Variants in COL11A1 observed in about 807,000 individuals in gnomAD.
The protein encoded by COL11A1 is collagen type XI alpha 1 chain, also known as collagen alpha-1(XI) chain.
In COL11A1, 74 loss-of-function variants were observed where a neutral mutation model predicts 265.2. The ratio of observed to expected loss-of-function variants is 0.28; its 90% CI spans 0.23 to 0.34. COL11A1 has a LOEUF of 0.34. COL11A1 is among the 10% of genes least tolerant of loss of function. COL11A1 has a pLI of 1.00. For missense variants in COL11A1, 2,165 were observed against 2,263.6 expected (o/e 0.96, Z 0.88); for synonymous variants, 816 against 727.6 (o/e 1.12, Z -1.96).
intron 4 of COL11A1, among the ~76,000 whole-genome samples, chr1:103,031,929 A>G (rs1668029740): frequency 6.6e-6 from 1 of 152,108 alleles, no homozygotes; most frequent in African/African-American, 2.4e-5. Context: ...AAATCAAAAC[A>G]TTAGTAATAT....
intron 5 of COL11A1, among the ~76,000 whole-genome samples, chr1:103,028,189 C>A (rs1163916284): frequency 6.6e-6 from 1 of 152,042 alleles, no homozygotes; most frequent in African/African-American, 2.4e-5. Context: ...TGACACCATG[C>A]CCGGCTAATT....
chr1:103,047,296 G>A (rs1199284561), intron 4 of COL11A1, among the ~76,000 whole-genome samples: 1 of 152,154 alleles, frequency 6.6e-6, no homozygotes, highest in Non-Finnish European at 1.5e-5. Context: ...GCAGTGGTTT[G>A]TAGTTATCCT....
chr1:103,083,650 T>C (rs573733789), intron 1 of COL11A1, among the ~76,000 whole-genome samples: 1 of 152,296 alleles, frequency 6.6e-6, no homozygotes, highest in African/African-American at 2.4e-5. Context: ...ACAAATTATA[T>C]ACAGGTACTT....
At chr1:103,104,688 G>T (rs1674554710) in intron 1 of COL11A1, among the ~76,000 whole-genome samples, 1 of 152,158 alleles carries the variant, frequency 6.6e-6, no homozygotes, top group African/African-American at 2.4e-5. Flanking sequence ...TGTAAAGCAT[G>T]CAGAAAGGTG....
At chr1:102,904,597 T>C (rs1053147427) in intron 54 of COL11A1, among the ~76,000 whole-genome samples, 3 of 151,638 alleles carry the variant, frequency 2.0e-5, no homozygotes, top group African/African-American at 4.8e-5. Context: ...AAGAAGATAT[T>C]TATGCAGCCA....
intron 57 of COL11A1, 75 bp from the exon 58 acceptor site, chr1:102,890,579 C>CAGACCT (rs1651642657): frequency 8.1e-7 from 1 of 1,239,894 alleles, no homozygotes; most frequent in Admixed American, 2.5e-5. Flanking sequence ...TAACTAGTCA[C>CAGACCT]AGACCTAGTT....
At chr1:103,022,260 C>A (rs75126374) in intron 8 of COL11A1, among the ~76,000 whole-genome samples, 3,553 of 151,750 alleles carry the variant, frequency 0.023, 157 homozygotes, top group African/African-American at 0.082. Flanking sequence ...TTAAATATGG[C>A]AAAAATTAAA....
chr1:103,003,107 A>G, intron 21 of COL11A1, 108 bp downstream of exon 21: 3 of 1,097,648 alleles, frequency 2.7e-6, no homozygotes, highest in South Asian at 1.3e-5. Context: ...ATCTTCAAAC[A>G]TAACAAGGCA....
Position 102,911,606 on chromosome 1 carries a change from T to C in COL11A1, c.4086+553A>G, listed in dbSNP as rs148738898. 1.6e-4 allele frequency among the ~76,000 whole-genome samples: 24 copies of C among 152,302 alleles called. No homozygotes were observed. In the East Asian group the frequency reaches 4.4e-3, roughly 28 times the overall value. On this transcript the variant is annotated intron_variant, in intron 54 of 66. Coordinates refer to ENST00000370096, the MANE Select transcript of COL11A1 (RefSeq NM_001854.4). ...CATCAGTGAGAAAAGGACAGGAAAG[T>C]AAATCTCCTAGGGTCTACTGTGGCC...
intron 9 of COL11A1, among the ~76,000 whole-genome samples, chr1:103,021,294 G>A (rs976384287): frequency 1.3e-5 from 2 of 151,796 alleles, no homozygotes; most frequent in South Asian, 4.2e-4. Context: ...ACAAATATAT[G>A]TTATATATTT....
chr1:102,935,669 C>G (rs148215854), intron 44 of COL11A1, among the ~76,000 whole-genome samples: 4,992 of 152,278 alleles, frequency 0.033, 106 homozygotes, highest in Middle Eastern at 0.085. Flanking sequence ...ATGAGTCTTA[C>G]ATGCATAGAT....
At chr1:102,985,262 A>G (rs115962455) in intron 30 of COL11A1, among the ~76,000 whole-genome samples, 2,021 of 152,226 alleles carry the variant, frequency 0.013, 24 homozygotes, top group Middle Eastern at 0.038. Context: ...TAAAAGATGA[A>G]CAGAAGCTTA....
intron 54 of COL11A1, among the ~76,000 whole-genome samples, chr1:102,906,744 T>A (rs1654033691): frequency 6.6e-6 from 1 of 151,990 alleles, no homozygotes; most frequent in Non-Finnish European, 1.5e-5. Flanking sequence ...TTTTTCAAGC[T>A]AAGCCACCTA....
At position 103,015,734 on chromosome 1, in the gene COL11A1, TG is replaced by T; in HGVS notation, c.1421del (p.Pro474GlnfsTer20). Reference sequence around the variant, plus strand: ...CAGCCCCTGGTAAGCCAGGACGTCCTGGGGGGCCCTAGAAAAATAAATGAAA... The same window carrying T: ...CAGCCCCTGGTAAGCCAGGACGTCCTGGGGGCCCTAGAAAAATAAATGAAA... ...PPGDPGDRGPPGRPGLPGADG... is the reference protein window; with the variant it reads ...PPGDPGDRGPXGRPGLPGADG... On this transcript the variant is annotated frameshift_variant, in exon 12 of 67. Coordinates refer to ENST00000370096, the MANE Select transcript of COL11A1 (RefSeq NM_001854.4). LOFTEE classifies it high-confidence loss of function. 1.2e-6 allele frequency: 2 copies of T among 1,602,030 alleles called. No individual in the cohort carries two copies. The highest frequency in any genetic ancestry group is 1.1e-5 in the South Asian group (1 of 89,478).
rs1570890686 is a variant in COL11A1 at position 102,965,661 on chromosome 1, T to C, written c.2863-121A>G. 4.0e-6 allele frequency: 3 copies of C among 752,224 alleles called. No homozygotes were observed. In the East Asian group the frequency reaches 7.9e-5, roughly 20 times the overall value. 46.6% of individuals were successfully genotyped at this position (752,224 alleles called of 1,614,324 possible). On this transcript the variant is annotated intron_variant, in intron 37 of 66. Coordinates refer to ENST00000370096, the MANE Select transcript of COL11A1 (RefSeq NM_001854.4). The stretch of plus-strand genomic sequence containing the variant: ...GTCACCTATTGACTAAAAATATTTA[T>C]TTTCAAATGCTTAAATATGTTTAAT...
At chr1:102,962,508 C>A (rs1661015816) in intron 39 of COL11A1, 145 bp downstream of exon 39, 1 of 809,794 alleles carries the variant, frequency 1.2e-6, no homozygotes, top group East Asian at 2.7e-5. Context: ...TGAGCAATAT[C>A]TTGGAGTACA....
chr1:103,077,219 T>C (rs1672043845), intron 3 of COL11A1, among the ~76,000 whole-genome samples: 2 of 152,110 alleles, frequency 1.3e-5, no homozygotes, highest in African/African-American at 4.8e-5. Flanking sequence ...TTCTCCATTT[T>C]TTTATTTTTA....
chr1:103,015,960 T>C (rs1464428359), intron 11 of COL11A1, among the ~76,000 whole-genome samples: 1 of 152,040 alleles, frequency 6.6e-6, no homozygotes, highest in African/African-American at 2.4e-5. Flanking sequence ...TATAATCCAA[T>C]TAAGCTATAA....
intron 41 of COL11A1, among the ~76,000 whole-genome samples, chr1:102,953,246 G>T (rs562632315): frequency 6.6e-6 from 1 of 152,162 alleles, no homozygotes; most frequent in African/African-American, 2.4e-5. Context: ...AGAGGTTTTT[G>T]ATTTTTCTTT....
Sources: gnomAD v4.1 joint callset for allele counts (sites outside exome capture counted in the v4.1 genomes callset) on GRCh38, gnomAD v4.1.1 for gene constraint, MANE v1.5 for transcripts, NCBI Gene and HGNC (gene_info 2026-07-23, HGNC 2026-07-21) for gene names.